Variants in EYA1 observed in about 807,000 individuals in gnomAD.
EYA1 encodes the protein EYA transcriptional coactivator and phosphatase 1, also known as protein phosphatase EYA1.
A neutral mutation model predicts 82.0 loss-of-function variants in EYA1; 16 were observed. That is an observed-to-expected ratio of 0.20 (90% CI 0.13 to 0.30). The LOEUF (loss-of-function observed/expected upper bound fraction) is 0.30. Ranked by LOEUF, EYA1 falls within the 10% of genes least tolerant of loss-of-function variation. EYA1 has a pLI of 1.00. For missense variants in EYA1, 633 were observed against 730.7 expected, an observed-to-expected ratio of 0.87 and a Z score of 1.54; for synonymous variants, 261 against 264.4, an observed-to-expected ratio of 0.99 and a Z score of 0.12.
At chr8:71,406,786 G>C (rs1435876349) in intron 2 of EYA1, among the ~76,000 whole-genome samples, 3 of 147,104 alleles carry the variant, frequency 2.0e-5, no homozygotes, top group Admixed American at 6.8e-5. Flanking sequence ...AGGCGGCAGC[G>C]AGGCTGGGGG....
intron 9 of EYA1, among the ~76,000 whole-genome samples, chr8:71,294,438 G>A (rs1345463252): frequency 6.7e-6 from 1 of 149,500 alleles, no homozygotes. Context: ...CAGCCTGGGC[G>A]ACAAGGAGAC....
intron 4 of EYA1, among the ~76,000 whole-genome samples, chr8:71,328,230 A>T (rs530328061): frequency 6.6e-6 from 1 of 152,300 alleles, no homozygotes; most frequent in Admixed American, 6.5e-5. Context: ...GACAGCTTGG[A>T]GTTAAGGGCT....
intron 2 of EYA1, chr8:71,449,135 T>G (rs1344313620): frequency 1.3e-4 from 22 of 164,900 alleles, no homozygotes; most frequent in African/African-American, 5.0e-4. Context: ...CTTTGGATTC[T>G]ACTTTCCTAG....
intron 4 of EYA1, among the ~76,000 whole-genome samples, chr8:71,332,513 C>G (rs957516704): frequency 6.6e-6 from 1 of 152,156 alleles, no homozygotes; most frequent in Non-Finnish European, 1.5e-5. Context: ...GCACCAAATC[C>G]ATCACCTTCC....
At chr8:71,451,310 A>C (rs538597901) in intron 2 of EYA1, among the ~76,000 whole-genome samples, 31 of 152,352 alleles carry the variant, frequency 2.0e-4, no homozygotes, top group African/African-American at 7.5e-4. Context: ...TATAAACAGA[A>C]GAATATTTTT....
At chr8:71,492,454 A>G (rs1310298336) in intron 2 of EYA1, among the ~76,000 whole-genome samples, 1 of 148,248 alleles carries the variant, frequency 6.7e-6, no homozygotes, top group Non-Finnish European at 1.5e-5. Flanking sequence ...CAGTTTATTT[A>G]TTTATTTATT....
At chr8:71,220,703 G>C (rs756535707) in intron 12 of EYA1, among the ~76,000 whole-genome samples, 1 of 152,198 alleles carries the variant, frequency 6.6e-6, no homozygotes, top group Admixed American at 6.5e-5. Context: ...GCTGGATAGT[G>C]GTAAGTGCTA....
chr8:71,389,883 T>G (rs1829177434), intron 2 of EYA1, among the ~76,000 whole-genome samples: 1 of 152,174 alleles, frequency 6.6e-6, no homozygotes, highest in Admixed American at 6.6e-5. Flanking sequence ...CCTTTCCCTT[T>G]GTTCAGTTAA....
intron 11 of EYA1, among the ~76,000 whole-genome samples, chr8:71,263,827 A>G (rs1036331031): frequency 6.6e-6 from 1 of 152,246 alleles, no homozygotes; most frequent in Non-Finnish European, 1.5e-5. Flanking sequence ...GAAGCAGACC[A>G]TAAACCAGAT....
At chr8:71,217,329 A>C (rs1005084492) in intron 12 of EYA1, among the ~76,000 whole-genome samples, 2 of 152,240 alleles carry the variant, frequency 1.3e-5, no homozygotes, top group South Asian at 4.1e-4. Flanking sequence ...AGGTACCTTA[A>C]GCCATCATGC....
intron 2 of EYA1, among the ~76,000 whole-genome samples, chr8:71,521,497 T>G (rs1813399725): frequency 6.6e-6 from 1 of 152,152 alleles, no homozygotes; most frequent in South Asian, 2.1e-4. Context: ...AAACACTGTT[T>G]AAAGCAAAAT....
intron 2 of EYA1, among the ~76,000 whole-genome samples, chr8:71,466,745 A>C (rs1174974888): frequency 1.3e-5 from 2 of 152,166 alleles, no homozygotes; most frequent in East Asian, 3.8e-4. Context: ...AATAAAAATA[A>C]TAGAGCAAGA....
chr8:71,202,248 T>TAA (rs57115257), intron 17 of EYA1, among the ~76,000 whole-genome samples: 2,770 of 147,688 alleles, frequency 0.019, 41 homozygotes, highest in East Asian at 0.045. Flanking sequence ...AAAAGGGAAC[T>TAA]AAAAAAAAAA....
At chr8:71,209,251 A>C (rs1808211876) in intron 17 of EYA1, among the ~76,000 whole-genome samples, 1 of 152,206 alleles carries the variant, frequency 6.6e-6, no homozygotes, top group Non-Finnish European at 1.5e-5. Context: ...ACTCTCCAGG[A>C]TTGTGTTTTG....
At chr8:71,545,217 GA>G (rs1815451055) in intron 1 of EYA1, among the ~76,000 whole-genome samples, 1 of 152,160 alleles carries the variant, frequency 6.6e-6, no homozygotes, top group African/African-American at 2.4e-5. Context: ...TAATAGGATG[GA>G]AAATACTGAC....
intron 2 of EYA1, among the ~76,000 whole-genome samples, chr8:71,396,503 A>T (rs981399293): frequency 6.6e-6 from 1 of 152,054 alleles, no homozygotes; most frequent in Non-Finnish European, 1.5e-5. Context: ...CTTTGTTCTC[A>T]TTGGTTTCAA....
chr8:71,325,185 T>C (rs1265729766), intron 4 of EYA1, among the ~76,000 whole-genome samples: 2 of 152,224 alleles, frequency 1.3e-5, no homozygotes, highest in Non-Finnish European at 2.9e-5. Context: ...CCATGGCATG[T>C]ACTTTTATGT....
intron 3 of EYA1, among the ~76,000 whole-genome samples, chr8:71,345,603 G>T (rs1345421995): frequency 6.6e-6 from 1 of 152,088 alleles, no homozygotes; most frequent in Non-Finnish European, 1.5e-5. Flanking sequence ...CTACAAAACT[G>T]CTCTCACAAG....
At chr8:71,520,675 C>T (rs1813332313) in intron 2 of EYA1, among the ~76,000 whole-genome samples, 1 of 152,140 alleles carries the variant, frequency 6.6e-6, no homozygotes, top group Non-Finnish European at 1.5e-5. Flanking sequence ...TTCACACCCC[C>T]AGGGCCAGAG....
Sources: gnomAD v4.1 joint callset for allele counts (sites outside exome capture counted in the v4.1 genomes callset) on GRCh38, gnomAD v4.1.1 for gene constraint, MANE v1.5 for transcripts, NCBI Gene and HGNC (gene_info 2026-07-23, HGNC 2026-07-21) for gene names.